SCHIP1: variants seen among roughly 807,000 people sequenced by gnomAD.
SCHIP1 encodes the protein schwannomin-interacting protein 1.
In SCHIP1, 8 loss-of-function variants were observed where a neutral mutation model predicts 29.7. That is an observed-to-expected ratio of 0.27 (90% confidence interval 0.16 to 0.49). SCHIP1 has a LOEUF of 0.49. Among genes scored for constraint, SCHIP1 ranks in the 20% least tolerant of loss-of-function variants. SCHIP1 has a pLI of 0.99. For missense variants in SCHIP1, 193 were observed against 294.6 expected (o/e 0.66, Z 2.52); for synonymous variants, 76 against 94.9 (o/e 0.80, Z 1.16).
the SCHIP1 span, among the ~76,000 whole-genome samples, chr3:159,354,660 G>A: frequency 6.6e-6 from 1 of 152,152 alleles, no homozygotes; most frequent in Non-Finnish European, 1.5e-5. Context: ...GACTGATGAT[G>A]CCTGAGTAAC....
At chr3:159,600,548 C>G in the SCHIP1 span, among the ~76,000 whole-genome samples, 1 of 152,162 alleles carries the variant, frequency 6.6e-6, no homozygotes, top group Non-Finnish European at 1.5e-5. Context: ...GTTTATTTAA[C>G]AAAATATTTA....
At chr3:159,828,345 A>T in the SCHIP1 span, among the ~76,000 whole-genome samples, 15 of 147,216 alleles carry the variant, frequency 1.0e-4, no homozygotes, top group East Asian at 2.8e-3. Flanking sequence ...TGGATGAATT[A>T]GCATTAGTGT....
chr3:159,346,435 T>C, the SCHIP1 span, among the ~76,000 whole-genome samples: 2 of 152,216 alleles, frequency 1.3e-5, no homozygotes, highest in African/African-American at 4.8e-5. Context: ...TTCTGGTTCA[T>C]ATGGTTTAGG....
chr3:159,514,803 A>G, the SCHIP1 span, among the ~76,000 whole-genome samples: 3 of 152,200 alleles, frequency 2.0e-5, no homozygotes, highest in African/African-American at 7.2e-5. Flanking sequence ...GCTTCCTAGC[A>G]TCTCCACTAA....
the SCHIP1 span, among the ~76,000 whole-genome samples, chr3:159,771,066 T>G: frequency 2.0e-5 from 3 of 152,234 alleles, no homozygotes; most frequent in East Asian, 3.8e-4. Flanking sequence ...TCCAAAGTAC[T>G]TGAAAATAAT....
chr3:159,582,227 G>A, the SCHIP1 span, among the ~76,000 whole-genome samples: 2 of 152,064 alleles, frequency 1.3e-5, no homozygotes, highest in Admixed American at 1.3e-4. Flanking sequence ...CTGAAGTGCA[G>A]TGGTATGATC....
At chr3:159,370,238 G>A in the SCHIP1 span, among the ~76,000 whole-genome samples, 1 of 152,054 alleles carries the variant, frequency 6.6e-6, no homozygotes, top group South Asian at 2.1e-4. Flanking sequence ...TCATCTCCCC[G>A]ATTCTCACTT....
the SCHIP1 span, among the ~76,000 whole-genome samples, chr3:159,684,646 A>C: frequency 6.6e-6 from 1 of 151,928 alleles, no homozygotes; most frequent in Non-Finnish European, 1.5e-5. Context: ...TCTACTAAAA[A>C]TACAAAAATT....
chr3:159,429,396 C>T, the SCHIP1 span, among the ~76,000 whole-genome samples: 1 of 151,964 alleles, frequency 6.6e-6, no homozygotes, highest in Non-Finnish European at 1.5e-5. Context: ...ATCTTCCCAT[C>T]ACCAAAAAAG....
At chr3:159,489,569 C>T in the SCHIP1 span, among the ~76,000 whole-genome samples, 5 of 152,092 alleles carry the variant, frequency 3.3e-5, no homozygotes, top group East Asian at 1.9e-4. Context: ...GACCAGCATT[C>T]GTGTCTAGTA....
chr3:159,585,662 A>G, the SCHIP1 span, among the ~76,000 whole-genome samples: 4 of 152,160 alleles, frequency 2.6e-5, no homozygotes, highest in African/African-American at 4.8e-5. Context: ...TCTTTTATAA[A>G]TGAGGAATGG....
chr3:159,824,675 G>C, the SCHIP1 span, among the ~76,000 whole-genome samples: 1 of 152,196 alleles, frequency 6.6e-6, no homozygotes, highest in Non-Finnish European at 1.5e-5. Context: ...TTTAATGTGG[G>C]AATCACAGTA....
chr3:159,554,850 T>C, the SCHIP1 span, among the ~76,000 whole-genome samples: 1 of 152,008 alleles, frequency 6.6e-6, no homozygotes, highest in Non-Finnish European at 1.5e-5. Flanking sequence ...TTTCCCAAGT[T>C]GCTGTGGCAA....
the SCHIP1 span, among the ~76,000 whole-genome samples, chr3:159,492,039 C>T: frequency 2.6e-5 from 4 of 152,200 alleles, no homozygotes; most frequent in Non-Finnish European, 5.9e-5. Flanking sequence ...GGCTGAAGGT[C>T]CTGACTGTTA....
At chr3:159,487,292 C>T in the SCHIP1 span, among the ~76,000 whole-genome samples, 1 of 152,166 alleles carries the variant, frequency 6.6e-6, no homozygotes, top group African/African-American at 2.4e-5. Flanking sequence ...AGTTCGTCTT[C>T]ATTTTTCTAT....
chr3:159,524,194 T>C, the SCHIP1 span, among the ~76,000 whole-genome samples: 2 of 152,230 alleles, frequency 1.3e-5, no homozygotes, highest in African/African-American at 4.8e-5. Flanking sequence ...GAGGTGGGCA[T>C]GGGTTGGCAT....
the SCHIP1 span, among the ~76,000 whole-genome samples, chr3:159,612,845 C>G: frequency 6.6e-6 from 1 of 152,218 alleles, no homozygotes; most frequent in African/African-American, 2.4e-5. Context: ...GAGTTTTCAT[C>G]TCTTTCAGAT....
At chr3:159,757,063 C>T in the SCHIP1 span, among the ~76,000 whole-genome samples, 1 of 152,254 alleles carries the variant, frequency 6.6e-6, no homozygotes, top group African/African-American at 2.4e-5. Flanking sequence ...CTAACCTCTG[C>T]CTGTTCCCTA....
the SCHIP1 span, among the ~76,000 whole-genome samples, chr3:159,428,811 G>A: frequency 6.6e-6 from 1 of 152,236 alleles, no homozygotes; most frequent in Admixed American, 6.5e-5. Flanking sequence ...GTCCAACCAT[G>A]ATAGACTGGA....
Sources: gnomAD v4.1 joint callset for allele counts (sites outside exome capture counted in the v4.1 genomes callset) on GRCh38, gnomAD v4.1.1 for gene constraint, MANE v1.5 for transcripts, NCBI Gene and HGNC (gene_info 2026-07-23, HGNC 2026-07-21) for gene names.